SNED1: variants seen among roughly 807,000 people sequenced by gnomAD.
SNED1 encodes sushi, nidogen and EGF like domains 1, also known as sushi, nidogen and EGF-like domain-containing protein 1.
A neutral mutation model predicts 166.7 loss-of-function variants in SNED1; 81 were observed. The observed-to-expected ratio is 0.49, with a 90% confidence interval of 0.41 to 0.58. The LOEUF (loss-of-function observed/expected upper bound fraction) is 0.58, where lower values mean the gene tolerates loss of function less well. Ranked by LOEUF, SNED1 falls within the 20% of genes least tolerant of loss-of-function variation. The pLI is 0.00. For synonymous variants in SNED1, 762 were observed against 822.0 expected, an observed-to-expected ratio of 0.93 and a Z score of 1.25; for missense variants, 1,604 against 2,000.2, an observed-to-expected ratio of 0.80 and a Z score of 3.78.
At chr2:241,078,293 G>T (rs989480051) in intron 27 of SNED1, among the ~76,000 whole-genome samples, 1 of 150,596 alleles carries the variant, frequency 6.6e-6, no homozygotes, top group Admixed American at 6.6e-5. Flanking sequence ...TGAGGCAGGA[G>T]AATCGCTTGA....
rs149839753 is a variant in SNED1 at position 241,000,079 on chromosome 2, G to A, written c.213+1029G>A. Among the ~76,000 whole-genome samples, 180 of 152,042 alleles carry A rather than the reference G, an allele frequency of 1.2e-3. 1 individual carries two copies. Among genetic ancestry groups the A allele is most frequent in the Middle Eastern group, 3.4e-3 (1 of 294 alleles). ...CACCACCTGTACTGCCAACTCCTCC[G>A]TCAACACCACCTCCTTCAACCCCAC... On this transcript the variant is annotated intron_variant, in intron 1 of 31. Transcript: ENST00000310397.
chr2:241,058,434 G>C (rs1020539852), intron 16 of SNED1, among the ~76,000 whole-genome samples: 4 of 152,030 alleles, frequency 2.6e-5, no homozygotes, highest in African/African-American at 9.7e-5. Flanking sequence ...GAGGAATAAA[G>C]GTAAAAGCCA....
intron 8 of SNED1, among the ~76,000 whole-genome samples, chr2:241,045,278 A>T (rs2125065264): frequency 6.6e-6 from 1 of 152,358 alleles, no homozygotes; most frequent in African/African-American, 2.4e-5. Context: ...TCTCAGCAGA[A>T]TCTTTTGTAA....
intron 1 of SNED1, among the ~76,000 whole-genome samples, chr2:241,027,609 G>C (rs552317852): frequency 9.2e-5 from 14 of 151,796 alleles, no homozygotes; most frequent in Non-Finnish European, 1.8e-4. Context: ...TGGTAATTCT[G>C]TTTTTAATTT....
At chr2:241,039,924 T>C in intron 6 of SNED1, 151 bp from the exon 7 acceptor site, 1 of 631,776 alleles carries the variant, frequency 1.6e-6, no homozygotes, top group Non-Finnish European at 2.8e-6. Flanking sequence ...GCCTCTTTCT[T>C]GCCTGTCGCC....
At position 241,092,288 on chromosome 2, in the gene SNED1, G is replaced by A. The variant is rs896022579; in HGVS notation, c.*652G>A. 6.6e-6 allele frequency: 1 copy of A among 152,210 alleles called. No homozygotes were observed. Among genetic ancestry groups the A allele is most frequent in the Non-Finnish European group, 1.5e-5 (1 of 68,056 alleles). 9.4% of individuals were successfully genotyped at this position (152,210 alleles called of 1,614,324 possible). Reference sequence around the variant, plus strand: ...TTTTTAGACAACGGCGCGACTGGCAGCCTTTCTCTATCAAGGGTCAGACGG... The same window carrying A: ...TTTTTAGACAACGGCGCGACTGGCAACCTTTCTCTATCAAGGGTCAGACGG... On this transcript the variant is annotated 3_prime_UTR_variant, in exon 32 of 32. Coordinates refer to ENST00000310397, the MANE Select transcript of SNED1 (RefSeq NM_001080437.3). This position sits in a 1 kb window ranked among gnomAD's most constrained non-coding sequence, Gnocchi z 4.6.
rs1467706322 is a variant in SNED1 at position 241,067,641 on chromosome 2, CA to C, written c.3011-122del. The stretch of plus-strand genomic sequence containing the variant: ...CGAGTTCCCTGAGCAGTTGATGGGA[CA>C]CCCTCTCCAGTGCCTCTCTGTGGCC... On this transcript the variant is annotated intron_variant, in intron 21 of 31. Transcript: ENST00000310397. The C allele has an allele frequency of 3.6e-5, 26 of 728,878 alleles. No individual in the cohort carries two copies. The East Asian group carries it at 6.6e-4, about 18-fold the overall frequency. 45.2% of individuals were successfully genotyped at this position (728,878 alleles called of 1,614,324 possible).
chr2:241,054,207 C>T lies in SNED1; in HGVS notation c.2257+881C>T, dbSNP rs530921571. Among the ~76,000 whole-genome samples, 377 of 152,252 alleles carry T rather than the reference C, an allele frequency of 2.5e-3. 2 individuals are homozygous for T. The highest frequency in any genetic ancestry group is 8.4e-3 in the African/African-American group (349 of 41,546). ...ATGCTACTTCCCCACCTATATGTTG[C>T]CAGAAGATGAGAAGCCGATATCCTC... On this transcript the variant is annotated intron_variant, in intron 16 of 31. Coordinates refer to ENST00000310397, the MANE Select transcript of SNED1 (RefSeq NM_001080437.3).
At chr2:241,054,349 G>GT (rs1470270374) in intron 16 of SNED1, among the ~76,000 whole-genome samples, 2 of 152,210 alleles carry the variant, frequency 1.3e-5, no homozygotes, top group Non-Finnish European at 2.9e-5. Flanking sequence ...GTAGAAGACA[G>GT]ACTAACACAG....
intron 18 of SNED1, 137 bp from the exon 19 acceptor site, chr2:241,063,874 AG>A: frequency 1.9e-6 from 1 of 520,966 alleles, no homozygotes; most frequent in East Asian, 4.3e-5. Flanking sequence ...GGGAGGGCTG[AG>A]GGGCGGGACC....
At chr2:240,998,597 C>T (rs1375117732), upstream of SNED1, among the ~76,000 whole-genome samples, 2 of 151,994 alleles carry the variant, frequency 1.3e-5, no homozygotes, top group African/African-American at 2.4e-5. Flanking sequence ...ATATTTAAAT[C>T]GTGGCCCCAG....
At chr2:241,027,123 C>G (rs2060993733) in intron 1 of SNED1, among the ~76,000 whole-genome samples, 1 of 151,884 alleles carries the variant, frequency 6.6e-6, no homozygotes, top group Non-Finnish European at 1.5e-5. Context: ...CTCTGTCACG[C>G]AGTCTGGAGT....
At chr2:241,011,974 G>A (rs2060421124) in intron 1 of SNED1, among the ~76,000 whole-genome samples, 1 of 152,228 alleles carries the variant, frequency 6.6e-6, no homozygotes, top group African/African-American at 2.4e-5. Flanking sequence ...TCTCTGGGGT[G>A]GGGAGAGAGG....
At chr2:241,057,380 A>AAAAAAAAAAAATATATATATATATAT (rs377141068) in intron 16 of SNED1, among the ~76,000 whole-genome samples, 1 of 118,132 alleles carries the variant, frequency 8.5e-6, no homozygotes, top group African/African-American at 3.8e-5. Context: ...TCCATCTCAA[A>AAAAAAAAAAAATATATATATATATAT]ATATATATAT....
intron 4 of SNED1, among the ~76,000 whole-genome samples, chr2:241,036,065 T>A (rs1343923019): frequency 1.5e-3 from 11 of 7,372 alleles, no homozygotes; most frequent in African/African-American, 4.3e-3. Context: ...CGTCACAGGG[T>A]GGGGGGTGGG....
At chr2:241,083,665 A>G (rs376904679) in intron 29 of SNED1, among the ~76,000 whole-genome samples, 1 of 152,126 alleles carries the variant, frequency 6.6e-6, no homozygotes, top group Non-Finnish European at 1.5e-5. Context: ...GTGCTTAGTT[A>G]CACCAGTGCC....
intron 16 of SNED1, among the ~76,000 whole-genome samples, chr2:241,057,380 A>AATAAATATATATATATAT: frequency 8.5e-6 from 1 of 118,114 alleles, no homozygotes; most frequent in East Asian, 2.9e-4. Flanking sequence ...TCCATCTCAA[A>AATAAATATATATATATAT]ATATATATAT....
rs1408762402 is a variant in SNED1, at chr2:241,048,658, G to T, written c.1400-4G>T. 5.0e-6 allele frequency: 8 copies of T among 1,606,310 alleles called. No individual in the cohort carries two copies. The highest frequency in any genetic ancestry group is 5.1e-6 in the Non-Finnish European group (6 of 1,176,748). On this transcript the variant is annotated splice_region_variant and splice_polypyrimidine_tract_variant and intron_variant, in intron 9 of 31. Transcript: ENST00000310397. ...TGGGAGGCTCCTCCCTCTCTTCGTGGCAGGAGTCCCCGATGACTGTGAGTG... is the reference window on the plus strand; with the variant it reads ...TGGGAGGCTCCTCCCTCTCTTCGTGTCAGGAGTCCCCGATGACTGTGAGTG...
chr2:241,079,690 C>T lies in SNED1; in HGVS notation c.3917-1987C>T, dbSNP rs1396548693. Among the ~76,000 whole-genome samples, 3 of 152,048 alleles carry T rather than the reference C, an allele frequency of 2.0e-5. 1 individual carries two copies. Among genetic ancestry groups the T allele is most frequent in the South Asian group, 4.1e-4 (2 of 4,822 alleles). On this transcript the variant is annotated intron_variant, in intron 27 of 31. Coordinates refer to ENST00000310397, the MANE Select transcript of SNED1 (RefSeq NM_001080437.3). The stretch of plus-strand genomic sequence containing the variant: ...AAAGGCAACACCTAAAAATTGAAAA[C>T]ATACTGAAATAAGTAAACCTAGTTA...
Sources: allele counts gnomAD v4.1 joint callset (sites outside exome capture counted in the v4.1 genomes callset), GRCh38; gene constraint gnomAD v4.1.1; non-coding constraint Gnocchi (gnomAD v3.1); transcripts MANE v1.5; gene names NCBI Gene and HGNC (gene_info 2026-07-23, HGNC 2026-07-21).